Variants in DPYD observed in about 807,000 individuals in gnomAD.
DPYD encodes dihydropyrimidine dehydrogenase [NADP(+)].
DPYD carries 109 observed loss-of-function variants against 116.2 expected under a neutral mutation model. The observed-to-expected ratio is 0.94, with a 90% CI of 0.80 to 1.10. The LOEUF (loss-of-function observed/expected upper bound fraction) is 1.10, where lower values mean the gene tolerates loss of function less well. DPYD is among the 50% of genes least tolerant of loss of function. The pLI is 0.00. For synonymous variants in DPYD, 440 were observed against 432.0 expected, an observed-to-expected ratio of 1.02 and a Z score of -0.23; for missense variants, 1,302 against 1,254.5, an observed-to-expected ratio of 1.04 and a Z score of -0.57.
At position 97,101,158 on chromosome 1, in the gene DPYD, C is replaced by T. The variant is rs72965811; in HGVS notation, c.2623-2526G>A. 6.5e-3 allele frequency among the ~76,000 whole-genome samples: 981 copies of T among 151,658 alleles called. 10 individuals carry two copies. Among genetic ancestry groups the T allele is most frequent in the African/African-American group, 0.023 (944 of 41,396 alleles). ...TTCCACCTTCCACCAAGCATCTCCA[C>T]ATCAAATTGGGTTCATTTTTGTTTA... On this transcript the variant is annotated intron_variant, in intron 20 of 22. Transcript: ENST00000370192.
chr1:97,593,729 CT>C (rs1654684886), intron 9 of DPYD, among the ~76,000 whole-genome samples: 1 of 152,088 alleles, frequency 6.6e-6, no homozygotes, highest in South Asian at 2.1e-4. Flanking sequence ...CATAATTTTC[CT>C]TTTGCTAGAA....
chr1:97,458,166 C>T (rs1391009947), intron 13 of DPYD, among the ~76,000 whole-genome samples: 1 of 152,102 alleles, frequency 6.6e-6, no homozygotes, highest in African/African-American at 2.4e-5. Flanking sequence ...TAATTATCTT[C>T]AAGTATTAGA....
At chr1:97,435,035 C>T (rs529969121) in intron 14 of DPYD, among the ~76,000 whole-genome samples, 2 of 151,952 alleles carry the variant, frequency 1.3e-5, no homozygotes, top group East Asian at 3.9e-4. Flanking sequence ...TTTGTAAAAC[C>T]CCTTTGTCAA....
intron 22 of DPYD, among the ~76,000 whole-genome samples, chr1:97,081,733 T>G: frequency 6.9e-6 from 1 of 144,036 alleles, no homozygotes; most frequent in East Asian, 1.9e-4. Context: ...TTTTTTTTTT[T>G]TCCTGCATGG....
intron 8 of DPYD, among the ~76,000 whole-genome samples, chr1:97,646,112 G>T (rs1329453025): frequency 6.6e-6 from 1 of 151,986 alleles, no homozygotes; most frequent in African/African-American, 2.4e-5. Flanking sequence ...GCATCCCAGG[G>T]CAAGTCTTTT....
rs189447578 is a variant in DPYD, at chr1:97,358,549, T to C, written c.2058+15012A>G. On this transcript the variant is annotated intron_variant, in intron 16 of 22. Coordinates refer to ENST00000370192, the MANE Select transcript of DPYD (RefSeq NM_000110.4). ...AGCCTAACTGGGAGACACCTCTCAG[T>C]AGGGGCCGACAGACACCACATATAG... Among the ~76,000 whole-genome samples, 12 of 152,226 alleles carry C rather than the reference T, an allele frequency of 7.9e-5. No homozygotes were observed. The East Asian group carries it at 2.3e-3, about 30-fold the overall frequency.
rs567222856 is a variant in DPYD at position 97,651,962 on chromosome 1, T to A, written c.850+27133A>T. On this transcript the variant is annotated intron_variant, in intron 8 of 22. Transcript: ENST00000370192. ...AGGCAATTTATCTACCTACTATAAT[T>A]TTTAAGCCCACAAAAAGAAAATGGA... 1.4e-4 allele frequency among the ~76,000 whole-genome samples: 22 copies of A among 152,234 alleles called. No individual in the cohort carries two copies. The South Asian group carries it at 4.3e-3, about 30-fold the overall frequency.
chr1:97,244,645 G>C (rs1662591482), intron 18 of DPYD, among the ~76,000 whole-genome samples: 1 of 151,956 alleles, frequency 6.6e-6, no homozygotes, highest in African/African-American at 2.4e-5. Context: ...TTATGTGATA[G>C]GCTGGTGTGA....
rs1241494871 is a variant in DPYD at position 97,567,866 on chromosome 1, G to A, written c.1339+5894C>T. 9.8e-5 allele frequency among the ~76,000 whole-genome samples: 7 copies of A among 71,790 alleles called. 1 individual carries two copies. Among genetic ancestry groups the A allele is most frequent in the African/African-American group, 2.6e-4 (7 of 27,342 alleles). 47.1% of individuals were successfully genotyped at this position (71,790 alleles called of 152,430 possible). A position where few individuals can be genotyped will look rare whatever the true frequency, so the allele number is the denominator to read the frequency against. On this transcript the variant is annotated intron_variant, in intron 11 of 22. Coordinates refer to ENST00000370192, the MANE Select transcript of DPYD (RefSeq NM_000110.4). ...TACCTCATTTGCAGAAATTCAAAAT[G>A]GAGATTTCTTTTTTTTTTATTATAC... is the stretch of plus-strand genomic sequence containing the variant.
intron 13 of DPYD, among the ~76,000 whole-genome samples, chr1:97,497,051 A>C (rs1229854099): frequency 6.6e-6 from 1 of 151,924 alleles, no homozygotes; most frequent in Non-Finnish European, 1.5e-5. Context: ...ATCTCAGGCA[A>C]GTCTTTTTTT....
intron 8 of DPYD, among the ~76,000 whole-genome samples, chr1:97,648,772 T>C (rs1490442192): frequency 1.3e-5 from 2 of 152,064 alleles, no homozygotes; most frequent in Non-Finnish European, 2.9e-5. Context: ...TGATTATTCA[T>C]AATTAACTTT....
At chr1:97,363,515 T>C (rs1443545625) in intron 16 of DPYD, among the ~76,000 whole-genome samples, 12 of 152,192 alleles carry the variant, frequency 7.9e-5, no homozygotes, top group Non-Finnish European at 1.2e-4. Flanking sequence ...ATGTTTATTG[T>C]AGCACTATTC....
At chr1:97,739,979 T>C (rs1664172494) in intron 4 of DPYD, among the ~76,000 whole-genome samples, 1 of 152,066 alleles carries the variant, frequency 6.6e-6, no homozygotes, top group Non-Finnish European at 1.5e-5. Flanking sequence ...GAATTTTAGT[T>C]AAAAAAGTCT....
chr1:97,789,146 G>A (rs10747487), intron 3 of DPYD, among the ~76,000 whole-genome samples: 121,658 of 152,078 alleles, frequency 0.8, 48,779 homozygotes, highest in East Asian at 0.98. Context: ...CTGCACTGGG[G>A]TACACATTAG....
In DPYD at chr1:97,351,766, G is replaced by C. The variant is rs762323376; in HGVS notation, c.2058+21795C>G. Among the ~76,000 whole-genome samples the C allele has an allele frequency of 3.3e-5, 5 of 152,056 alleles. No homozygotes were observed. The East Asian group carries it at 7.7e-4, about 23-fold the overall frequency. On this transcript the variant is annotated intron_variant, in intron 16 of 22. Coordinates refer to ENST00000370192, the MANE Select transcript of DPYD (RefSeq NM_000110.4). ...ATCAAACGTGTTTCAGGAGAAACAG[G>C]ATTAGAAAAGAGAATGTTTATAAAA...
rs192130671 is a variant in DPYD at position 97,253,338 on chromosome 1, A to G, written c.2300-18344T>C. ...CCAGTATTTGTATTCTTTCTGGAGCATTTTTACTTCTCAGCTTTTAATTAT... is the reference window on the plus strand; with the variant it reads ...CCAGTATTTGTATTCTTTCTGGAGCGTTTTTACTTCTCAGCTTTTAATTAT... On this transcript the variant is annotated intron_variant, in intron 18 of 22. Coordinates refer to ENST00000370192, the MANE Select transcript of DPYD (RefSeq NM_000110.4). 2.1e-3 allele frequency among the ~76,000 whole-genome samples: 318 copies of G among 152,272 alleles called. 2 individuals are homozygous for G. Among genetic ancestry groups the G allele is most frequent in the African/African-American group, 7.4e-3 (307 of 41,568 alleles).
At chr1:97,693,449 T>C (rs994112686) in intron 6 of DPYD, among the ~76,000 whole-genome samples, 5 of 152,078 alleles carry the variant, frequency 3.3e-5, no homozygotes. Flanking sequence ...AAAAATCTCT[T>C]AAGCCAACTT....
intron 21 of DPYD, among the ~76,000 whole-genome samples, chr1:97,089,827 GTTTTTT>G (rs112112819): frequency 2.3e-4 from 29 of 126,584 alleles, no homozygotes; most frequent in Admixed American, 3.0e-4. Context: ...CATTTTGTTT[GTTTTTT>G]TTTTTTTTTT....
rs778577478 is a variant in DPYD, at chr1:97,333,517, A to ATTTTTTTTT, written c.2059-27229_2059-27221dup. On this transcript the variant is annotated intron_variant, in intron 16 of 22. Coordinates refer to ENST00000370192, the MANE Select transcript of DPYD (RefSeq NM_000110.4). ...CCGGCCCCAATTGCTAAGTCTTAGGATTTTTTTTTTTTTTTTTTTTTGAGA... is the reference window on the plus strand; with the variant it reads ...CCGGCCCCAATTGCTAAGTCTTAGGATTTTTTTTTTTTTTTTTTTTTTTTTTTTTTGAGA... Among the ~76,000 whole-genome samples the ATTTTTTTTT allele has an allele frequency of 1.2e-3, 118 of 97,044 alleles. 6 individuals are homozygous for ATTTTTTTTT. The highest frequency in any genetic ancestry group is 3.8e-3 in the African/African-American group (90 of 23,760). The allele number at this position is 97,044 out of a possible 152,430, so 63.7% of individuals were successfully genotyped here. A position where few individuals can be genotyped will look rare whatever the true frequency, so the allele number is the denominator to read the frequency against.
Sources: gnomAD v4.1 joint callset for allele counts (sites outside exome capture counted in the v4.1 genomes callset) on GRCh38, gnomAD v4.1.1 for gene constraint, MANE v1.5 for transcripts, NCBI Gene and HGNC (gene_info 2026-07-23, HGNC 2026-07-21) for gene names.